Variants in PPARGC1A observed in about 807,000 individuals in gnomAD.
The protein encoded by PPARGC1A is PPARG coactivator 1 alpha, also known as peroxisome proliferator-activated receptor gamma coactivator 1-alpha.
PPARGC1A carries 25 observed loss-of-function variants against 88.7 expected under a neutral mutation model. The ratio of observed to expected loss-of-function variants is 0.28; its 90% confidence interval spans 0.21 to 0.39. The LOEUF (loss-of-function observed/expected upper bound fraction) is 0.39. Among genes scored for constraint, PPARGC1A ranks in the 10% least tolerant of loss-of-function variants. PPARGC1A has a pLI of 1.00. For missense variants in PPARGC1A, 880 were observed against 968.7 expected (o/e 0.91, Z 1.22); for synonymous variants, 363 against 355.6 (o/e 1.02, Z -0.24).
At chr4:23,920,946 C>A in the PPARGC1A span, among the ~76,000 whole-genome samples, 1 of 151,884 alleles carries the variant, frequency 6.6e-6, no homozygotes, top group African/African-American at 2.4e-5. Context: ...CAGGACCCAG[C>A]CTGGGCTTGC....
At chr4:23,861,767 G>A (rs560147739) in intron 2 of PPARGC1A, among the ~76,000 whole-genome samples, 18 of 152,262 alleles carry the variant, frequency 1.2e-4, no homozygotes, top group African/African-American at 3.6e-4. Context: ...TCACAGCTAC[G>A]TGCAATTTGT....
the PPARGC1A span, among the ~76,000 whole-genome samples, chr4:24,174,758 C>A: frequency 6.6e-6 from 1 of 152,150 alleles, no homozygotes; most frequent in African/African-American, 2.4e-5. Context: ...CTAACTCACT[C>A]CTCTATCAAC....
At chr4:23,888,806 A>G in intron 1 of PPARGC1A, 1 of 393,050 alleles carries the variant, frequency 2.5e-6, no homozygotes, top group Non-Finnish European at 3.5e-6. Context: ...TATTTAATCA[A>G]ATCACGTGTG....
At chr4:24,378,538 G>A in the PPARGC1A span, among the ~76,000 whole-genome samples, 15 of 151,644 alleles carry the variant, frequency 9.9e-5, no homozygotes, top group South Asian at 2.1e-4. Context: ...CAATTTCACC[G>A]TAACGGATAA....
chr4:23,978,707 C>T, the PPARGC1A span, among the ~76,000 whole-genome samples: 4 of 152,152 alleles, frequency 2.6e-5, no homozygotes, highest in African/African-American at 9.7e-5. Flanking sequence ...AAAACATTCA[C>T]ATCAAATGGG....
At chr4:24,030,119 G>A in the PPARGC1A span, among the ~76,000 whole-genome samples, 1 of 152,178 alleles carries the variant, frequency 6.6e-6, no homozygotes, top group African/African-American at 2.4e-5. Flanking sequence ...ACCAACTTGA[G>A]TGATTCTAAA....
At chr4:23,835,508 T>TGTGTGTGTGTGTGTG (rs1577447462) in intron 2 of PPARGC1A, among the ~76,000 whole-genome samples, 1 of 80,752 alleles carries the variant, frequency 1.2e-5, no homozygotes, top group Non-Finnish European at 2.6e-5. Context: ...GTGTGTGTGT[T>TGTGTGTGTGTGTGTG]GGAGTATGTG....
chr4:23,975,420 CTTT>C, the PPARGC1A span, among the ~76,000 whole-genome samples: 1 of 149,990 alleles, frequency 6.7e-6, no homozygotes, highest in South Asian at 2.1e-4. Context: ...GCTATTCATT[CTTT>C]TTTTTTTTTC....
At chr4:24,188,929 G>A in the PPARGC1A span, among the ~76,000 whole-genome samples, 4 of 152,210 alleles carry the variant, frequency 2.6e-5, no homozygotes, top group Non-Finnish European at 4.4e-5. Context: ...TAATCAAAAT[G>A]TAGTGTATCC....
chr4:24,178,745 G>A, the PPARGC1A span, among the ~76,000 whole-genome samples: 35 of 152,148 alleles, frequency 2.3e-4, no homozygotes, highest in African/African-American at 8.2e-4. Context: ...GCTTTGTTGC[G>A]AATGCTAAAG....
At chr4:24,412,410 G>C in the PPARGC1A span, among the ~76,000 whole-genome samples, 2 of 152,056 alleles carry the variant, frequency 1.3e-5, no homozygotes, top group Non-Finnish European at 2.9e-5. Flanking sequence ...AAAAACAAAA[G>C]AAGAATAAAT....
At chr4:24,046,167 TC>T in the PPARGC1A span, among the ~76,000 whole-genome samples, 1 of 152,320 alleles carries the variant, frequency 6.6e-6, no homozygotes, top group East Asian at 1.9e-4. Flanking sequence ...AGAACATATG[TC>T]CCTATAATGG....
the PPARGC1A span, among the ~76,000 whole-genome samples, chr4:23,953,338 T>C: frequency 6.6e-6 from 1 of 152,106 alleles, no homozygotes; most frequent in South Asian, 2.1e-4. Flanking sequence ...CTTGAATAAA[T>C]CTCTTAGTAG....
chr4:24,378,834 T>C, the PPARGC1A span, among the ~76,000 whole-genome samples: 2 of 152,186 alleles, frequency 1.3e-5, no homozygotes, highest in Admixed American at 6.6e-5. Context: ...ACCCTCACTC[T>C]CACACATTCT....
the PPARGC1A span, among the ~76,000 whole-genome samples, chr4:24,009,150 A>AAAAAAAAAAAGAGAG: frequency 0.034 from 2,685 of 79,792 alleles, 155 homozygotes; most frequent in Non-Finnish European, 0.043. Context: ...AAAAAAAAAA[A>AAAAAAAAAAAGAGAG]AGAGAGAGAA....
chr4:24,137,113 CAAAAA>C, the PPARGC1A span, among the ~76,000 whole-genome samples: 1 of 82,110 alleles, frequency 1.2e-5, no homozygotes, highest in Non-Finnish European at 2.6e-5. Context: ...GACTCTGTCT[CAAAAA>C]AAAAAAAAAA....
chr4:24,119,630 TTTC>T, the PPARGC1A span, among the ~76,000 whole-genome samples: 1 of 151,642 alleles, frequency 6.6e-6, no homozygotes, highest in Non-Finnish European at 1.5e-5. Flanking sequence ...TTTATAAAGA[TTTC>T]TTATTTTTAT....
chr4:23,990,697 T>G, the PPARGC1A span, among the ~76,000 whole-genome samples: 2 of 151,768 alleles, frequency 1.3e-5, no homozygotes, highest in Non-Finnish European at 2.9e-5. Flanking sequence ...GACGTGGGGT[T>G]TCTGGAAGCA....
the PPARGC1A span, among the ~76,000 whole-genome samples, chr4:24,354,411 G>C: frequency 2.6e-5 from 4 of 152,170 alleles, no homozygotes; most frequent in African/African-American, 9.7e-5. Flanking sequence ...TACCACACAA[G>C]AGCACTTGCT....
Sources: gnomAD v4.1 joint callset for allele counts (sites outside exome capture counted in the v4.1 genomes callset) on GRCh38, gnomAD v4.1.1 for gene constraint, MANE v1.5 for transcripts, NCBI Gene and HGNC (gene_info 2026-07-23, HGNC 2026-07-21) for gene names.